The following MORN4 variants were observed in gnomAD, a reference collection of about 807,000 sequenced individuals.
MORN4 encodes the protein MORN repeat containing 4, also known as MORN repeat-containing protein 4.
In MORN4, 8 loss-of-function variants were observed where a neutral mutation model predicts 16.4. The observed-to-expected ratio is 0.49, with a 90% CI of 0.29 to 0.88. The LOEUF is 0.88. Ranked by LOEUF, MORN4 falls within the 40% of genes least tolerant of loss-of-function variation. The pLI is 0.09. For synonymous variants in MORN4, 53 were observed against 68.9 expected (o/e 0.77, Z 1.14); for missense variants, 159 against 182.9 (o/e 0.87, Z 0.75).
chr10:97,631,565 G>A (rs936748252), intron 1 of MORN4, among the ~76,000 whole-genome samples: 2 of 150,478 alleles, frequency 1.3e-5, no homozygotes, highest in Non-Finnish European at 1.5e-5. Context: ...AGAAATCAAC[G>A]TATTAAACAA....
chr10:97,619,758 T>C, intron 1 of MORN4, 75 bp from the exon 2 acceptor site: 7 of 1,223,784 alleles, frequency 5.7e-6, no homozygotes, highest in Middle Eastern at 2.1e-4. Flanking sequence ...ATTTTATAGA[T>C]ACATTCTAAA....
At chr10:97,632,654 G>A (rs1211401111) in intron 1 of MORN4, among the ~76,000 whole-genome samples, 1 of 151,948 alleles carries the variant, frequency 6.6e-6, no homozygotes, top group Admixed American at 6.6e-5. Context: ...GGAAGACTGT[G>A]GGATGGTTAG....
chr10:97,633,630 T>TG, upstream of MORN4: 1 of 1,285,650 alleles, frequency 7.8e-7, no homozygotes, highest in South Asian at 1.2e-5. This position sits in a 1 kb window ranked among gnomAD's most constrained non-coding sequence, Gnocchi z 4.5. Flanking sequence ...GCTGACTATG[T>TG]GAAAGAGGGG....
At chr10:97,621,652 G>T (rs1372307242) in intron 1 of MORN4, among the ~76,000 whole-genome samples, 1 of 152,144 alleles carries the variant, frequency 6.6e-6, no homozygotes, top group Non-Finnish European at 1.5e-5. Context: ...GGCGGAGTGG[G>T]TGGATCACCT....
rs150666019 is a variant in MORN4, at chr10:97,625,727, A to G, written c.-30-6044T>C. ...GTTGCCACCCATCCACTCTTTATCA[A>G]CATCCTACAGGATATTTTTATTTTG... On this transcript the variant is annotated intron_variant, in intron 1 of 4. Transcript: ENST00000307450. Among the ~76,000 whole-genome samples the G allele has an allele frequency of 5.4e-3, 818 of 152,324 alleles. 9 individuals carry two copies. Among genetic ancestry groups the G allele is most frequent in the African/African-American group, 0.017 (703 of 41,566 alleles).
intron 1 of MORN4, among the ~76,000 whole-genome samples, chr10:97,631,541 G>A (rs978042720): frequency 1.3e-5 from 2 of 150,690 alleles, no homozygotes; most frequent in East Asian, 1.9e-4. Flanking sequence ...TCTTTTTATC[G>A]TTTTCTAATT....
intron 1 of MORN4, among the ~76,000 whole-genome samples, chr10:97,625,535 A>T (rs1360395877): frequency 1.3e-5 from 2 of 152,192 alleles, no homozygotes; most frequent in African/African-American, 4.8e-5. Context: ...TCCTCTTTCA[A>T]AGTTTTACAC....
At chr10:97,624,879 A>G (rs2135739828) in intron 1 of MORN4, among the ~76,000 whole-genome samples, 2 of 152,226 alleles carry the variant, frequency 1.3e-5, no homozygotes, top group East Asian at 1.9e-4. Flanking sequence ...TTCAGTAGAG[A>G]TGGGGTTTCA....
chr10:97,633,420 G>C lies in MORN4; in HGVS notation c.-104C>G, dbSNP rs780643546. 1 of 1,289,744 alleles carries C rather than the reference G, an allele frequency of 7.8e-7. No homozygotes were observed. The highest frequency in any genetic ancestry group is 1.0e-6 in the Non-Finnish European group (1 of 988,824). 79.9% of individuals were successfully genotyped at this position (1,289,744 alleles called of 1,614,324 possible). A position where few individuals can be genotyped will look rare whatever the true frequency, so the allele number is the denominator to read the frequency against. ...AGCGCCTCGGACTTTTCCTCTGATG[G>C]GCTCCCGGCTGCCACCTTGCTCTCC... is the stretch of plus-strand genomic sequence containing the variant. On this transcript the variant is annotated 5_prime_UTR_variant, in exon 1 of 5. Coordinates refer to ENST00000307450, the MANE Select transcript of MORN4 (RefSeq NM_178832.4). This position sits in a 1 kb window ranked among gnomAD's most constrained non-coding sequence, Gnocchi z 4.5.
chr10:97,631,638 T>A (rs1488981809), intron 1 of MORN4, among the ~76,000 whole-genome samples: 10 of 147,890 alleles, frequency 6.8e-5, no homozygotes, highest in African/African-American at 2.0e-4. Flanking sequence ...AAAACTGACA[T>A]AAAGAGGAAA....
rs1311702575 is a variant in MORN4 at position 97,615,652 on chromosome 10, G to A, written c.*611C>T. 1.3e-5 allele frequency: 2 copies of A among 152,098 alleles called. No individual in the cohort carries two copies. The highest frequency in any genetic ancestry group is 2.4e-5 in the African/African-American group (1 of 41,426). 9.4% of individuals were successfully genotyped at this position (152,098 alleles called of 1,614,324 possible). A position where few individuals can be genotyped will look rare whatever the true frequency, so the allele number is the denominator to read the frequency against. ...AGGCAGGGGAATTGCTTGAACCTGGGAGGCAGAAGTTGCAGTGAGCTGAGA... is the reference window on the plus strand; with the variant it reads ...AGGCAGGGGAATTGCTTGAACCTGGAAGGCAGAAGTTGCAGTGAGCTGAGA... On this transcript the variant is annotated 3_prime_UTR_variant, in exon 5 of 5. Transcript: ENST00000307450.
rs2041269693 is a variant in MORN4, at chr10:97,619,571, CA to C, written c.67+15del. ...TGAAGTGTTCATCATGGATACTCCC[CA>C]GGGGTCCTTCTCACCCTCCTTCCAC... On this transcript the variant is annotated intron_variant, in intron 2 of 4. Transcript: ENST00000307450. 1 of 1,585,204 alleles carries C rather than the reference CA, an allele frequency of 6.3e-7. No individual in the cohort carries two copies. Among genetic ancestry groups the C allele is most frequent in the East Asian group, 2.2e-5 (1 of 44,760 alleles).
intron 1 of MORN4, among the ~76,000 whole-genome samples, chr10:97,624,760 C>T (rs1318383143): frequency 6.6e-6 from 1 of 151,996 alleles, no homozygotes; most frequent in African/African-American, 2.4e-5. Context: ...TTATTCTTCC[C>T]CAGGCTGGAG....
chr10:97,620,650 T>A (rs573120760), intron 1 of MORN4, among the ~76,000 whole-genome samples: 5 of 151,860 alleles, frequency 3.3e-5, no homozygotes, highest in African/African-American at 1.2e-4. Flanking sequence ...TATTAGGAAA[T>A]AAGCCTGTGT....
intron 1 of MORN4, among the ~76,000 whole-genome samples, chr10:97,623,798 T>C (rs797008613): frequency 6.6e-6 from 1 of 151,568 alleles, no homozygotes; most frequent in East Asian, 1.9e-4. Context: ...TGCAGTGGCA[T>C]GATCTCGGCT....
chr10:97,629,209 GAAACCCCATCTCTACTAAAAATACA>G (rs1285096130), intron 1 of MORN4, among the ~76,000 whole-genome samples: 1 of 152,112 alleles, frequency 6.6e-6, no homozygotes, highest in Non-Finnish European at 1.5e-5. Flanking sequence ...CCAACATGGA[GAAACCCCATCTCTACTAAAAATACA>G]AAATTAGCTG....
At chr10:97,628,539 T>C (rs2041368313) in intron 1 of MORN4, among the ~76,000 whole-genome samples, 1 of 134,876 alleles carries the variant, frequency 7.4e-6, no homozygotes, top group Admixed American at 7.2e-5. Flanking sequence ...TTTTTCTTTC[T>C]TTTTTTTTTT....
intron 1 of MORN4, among the ~76,000 whole-genome samples, chr10:97,628,391 G>A (rs2041366310): frequency 6.6e-6 from 1 of 152,186 alleles, no homozygotes; most frequent in Non-Finnish European, 1.5e-5. Flanking sequence ...TCAAGGCTAC[G>A]TGAAACTTCC....
At chr10:97,619,320 C>G in intron 2 of MORN4, 174 of 532,038 alleles carry the variant, frequency 3.3e-4, no homozygotes, top group East Asian at 7.0e-4. Flanking sequence ...GTGAGCGAGA[C>G]CTCATCTCAA....
Sources: allele counts gnomAD v4.1 joint callset (sites outside exome capture counted in the v4.1 genomes callset), GRCh38; gene constraint gnomAD v4.1.1; non-coding constraint Gnocchi (gnomAD v3.1); transcripts MANE v1.5; gene names NCBI Gene and HGNC (gene_info 2026-07-23, HGNC 2026-07-21).